MAST3: variants seen among roughly 807,000 people sequenced by gnomAD.
MAST3 encodes the protein microtubule associated serine/threonine kinase 3, also known as microtubule-associated serine/threonine-protein kinase 3.
MAST3 carries 43 observed loss-of-function variants against 127.0 expected under a neutral mutation model. The observed-to-expected ratio is 0.34, with a 90% confidence interval of 0.27 to 0.44. The LOEUF (loss-of-function observed/expected upper bound fraction) is 0.44, where lower values mean the gene tolerates loss of function less well. Among genes scored for constraint, MAST3 ranks in the 20% least tolerant of loss-of-function variants. MAST3 has a pLI of 1.00. For missense variants in MAST3, 1,390 were observed against 1,919.1 expected (o/e 0.72, Z 5.15); for synonymous variants, 785 against 809.2 (o/e 0.97, Z 0.51).
intron 8 of MAST3, 124 bp downstream of exon 8, chr19:18,123,779 C>A: frequency 1.9e-6 from 2 of 1,080,134 alleles, no homozygotes; most frequent in South Asian, 1.6e-5. Context: ...CTTTCCTTCC[C>A]CTTCCGTTGA....
chr19:18,144,644 C>T lies in MAST3; in HGVS notation c.2763C>T (p.Arg921=), dbSNP rs764437925. Reference sequence around the variant, plus strand: ...GCAGTGGTGGCGGCAGTGGGGGCCGCGTGCCCAAGTCAGCCTCTGTCTCTG... The same window carrying T: ...GCAGTGGTGGCGGCAGTGGGGGCCGTGTGCCCAAGTCAGCCTCTGTCTCTG... ...SGGSGGGSGG[R]VPKSASVSAL... Residue 921 remains arginine (R), a synonymous_variant, in exon 23 of 28, where the codon CGC becomes CGT. Transcript: ENST00000687212. The surrounding 1 kb of genome is among the most constrained non-coding windows in gnomAD (Gnocchi z 4.0). 8 of 1,610,890 alleles carry T rather than the reference C, an allele frequency of 5.0e-6. No individual in the cohort carries two copies. The South Asian group carries it at 5.5e-5, about 11-fold the overall frequency.
chr19:18,128,760 G>A lies in MAST3; in HGVS notation c.1138-106G>A, dbSNP rs879144042. ...CTGAGTTGGAGAAGTTTGGACAGGG[G>A]AGGAGGTAGCATCGGGCACCAGGAC... is the stretch of plus-strand genomic sequence containing the variant. On this transcript the variant is annotated intron_variant, in intron 12 of 27. Transcript: ENST00000687212. 115 of 873,484 alleles carry A rather than the reference G, an allele frequency of 1.3e-4. 1 individual carries two copies. In the South Asian group the frequency reaches 1.4e-3, roughly 11 times the overall value. 54.1% of individuals were successfully genotyped at this position (873,484 alleles called of 1,614,324 possible).
At chr19:18,124,931 A>ACCC (rs111723470) in intron 11 of MAST3, among the ~76,000 whole-genome samples, 157 bp downstream of exon 11, 60,422 of 133,830 alleles carry the variant, frequency 0.45, 12,778 homozygotes, top group South Asian at 0.63. Context: ...CATGGTGGAA[A>ACCC]CCCCCCCCCT....
intron 3 of MAST3, among the ~76,000 whole-genome samples, chr19:18,119,171 G>A (rs1312761892): frequency 6.6e-6 from 1 of 152,170 alleles, no homozygotes; most frequent in Non-Finnish European, 1.5e-5. Flanking sequence ...GTGAACAGAT[G>A]ATGCTTAGTT....
At chr19:18,140,240 C>CGT (rs71164372) in intron 20 of MAST3, among the ~76,000 whole-genome samples, 152,043 of 152,052 alleles carry the variant, frequency 1, 76,017 homozygotes, top group Middle Eastern at 1. Flanking sequence ...ATTAGCCAGG[C>CGT]GGTGGTGGGT....
Position 18,149,368 on chromosome 19 carries a change from G to A in MAST3, c.3686G>A (p.Cys1229Tyr). 6.7e-7 allele frequency: 1 copy of A among 1,492,646 alleles called. No homozygotes were observed. The highest frequency in any genetic ancestry group is 8.9e-7 in the Non-Finnish European group (1 of 1,124,562). The allele number at this position is 1,492,646 out of a possible 1,614,324, so 92.5% of individuals were successfully genotyped here. ...AGCATCCCGCCCTCCCCGCTGGCCT[G>A]CCCGCCCATCTCCGCGCCCCCACCC... ...TSSIPPSPLACPPISAPPPRS... is the reference protein window; with the variant it reads ...TSSIPPSPLAYPPISAPPPRS... The change falls in exon 28 of 28, where the codon TGC (cysteine) becomes TAC (tyrosine). Residue 1229 changes from cysteine (C) to tyrosine (Y), a missense_variant. Around this residue, in one of 5 missense-constraint regions of MAST3, gnomAD observed 816 missense variants for 934.1 expected, o/e 0.87. Transcript: ENST00000687212. This position sits in a 1 kb window ranked among gnomAD's most constrained non-coding sequence, Gnocchi z 5.9.
intron 27 of MAST3, among the ~76,000 whole-genome samples, chr19:18,147,977 A>C (rs1440672314): frequency 6.6e-6 from 1 of 152,040 alleles, no homozygotes. Flanking sequence ...CAACACAGGG[A>C]GACCCCATCT....
At chr19:18,098,756 C>A in intron 1 of MAST3, 1 of 456,694 alleles carries the variant, frequency 2.2e-6, no homozygotes, top group South Asian at 1.5e-5. Context: ...AGCACTTACC[C>A]AACGAACATT....
intron 3 of MAST3, among the ~76,000 whole-genome samples, chr19:18,119,378 C>A (rs2039679776): frequency 6.6e-6 from 1 of 152,146 alleles, no homozygotes; most frequent in Non-Finnish European, 1.5e-5. Flanking sequence ...TGGAGACAGC[C>A]AGGTGAGCGT....
At position 18,135,772 on chromosome 19, in the gene MAST3, C is replaced by T; in HGVS notation, c.1903C>T (p.Leu635Phe). The T allele has an allele frequency of 6.2e-7, 1 of 1,612,382 alleles. No homozygotes were observed. The highest frequency in any genetic ancestry group is 8.5e-7 in the Non-Finnish European group (1 of 1,179,224). ...CATGTGGCCAGAGGGAGATGAGGCC[C>T]TTCCAGCAGACGCCCAGGACCTCAT... is the stretch of plus-strand genomic sequence containing the variant. ...EIMWPEGDEALPADAQDLITR... is the reference protein window; with the variant it reads ...EIMWPEGDEAFPADAQDLITR... The change falls in exon 18 of 28, where the codon CTT (leucine) becomes TTT (phenylalanine). Residue 635 changes from leucine to phenylalanine, a missense_variant. Physicochemically the swap from Leu to Phe is conservative, Grantham distance 22. Transcript: ENST00000687212.
Position 18,112,309 on chromosome 19 carries a change from G to A in MAST3, c.161+1568G>A, listed in dbSNP as rs2038738494. Among the ~76,000 whole-genome samples, 1 of 152,188 alleles carries A rather than the reference G, an allele frequency of 6.6e-6. No homozygotes were observed. Among genetic ancestry groups the A allele is most frequent in the South Asian group, 2.1e-4 (1 of 4,828 alleles). Reference sequence around the variant, plus strand: ...TCCGAGTAGCGGAGACTACAGGCGTGCCACCACGCCCGGCTAATTTTTTGT... The same window carrying A: ...TCCGAGTAGCGGAGACTACAGGCGTACCACCACGCCCGGCTAATTTTTTGT... On this transcript the variant is annotated intron_variant, in intron 3 of 27. Coordinates refer to ENST00000687212, the MANE Select transcript of MAST3 (RefSeq NM_001393504.1). The surrounding 1 kb of genome is among the most constrained non-coding windows in gnomAD (Gnocchi z 4.1).
intron 2 of MAST3, among the ~76,000 whole-genome samples, chr19:18,109,183 C>T (rs2038305963): frequency 6.6e-6 from 1 of 151,850 alleles, no homozygotes; most frequent in South Asian, 2.1e-4. Context: ...AGCATGAAGA[C>T]AAGGGTAGCT....
intron 27 of MAST3, among the ~76,000 whole-genome samples, chr19:18,148,483 AAAAG>A (rs1263395456): frequency 2.0e-5 from 3 of 152,174 alleles, no homozygotes; most frequent in East Asian, 1.9e-4. Flanking sequence ...GGGAAAAAAA[AAAAG>A]AAAACAGAAG....
chr19:18,144,740 C>T lies in MAST3; in HGVS notation c.2812+47C>T, dbSNP rs1451111686. 3 of 1,587,316 alleles carry T rather than the reference C, an allele frequency of 1.9e-6. No individual in the cohort carries two copies. In the African/African-American group the frequency reaches 4.0e-5, roughly 21 times the overall value. ...ACCTTTGTCTGTCTGCACCCATTTT[C>T]ACCAACAGGGTGGGGGCCCTTCCTG... On this transcript the variant is annotated intron_variant, in intron 23 of 27. Transcript: ENST00000687212. The surrounding 1 kb of genome is among the most constrained non-coding windows in gnomAD (Gnocchi z 4.0).
intron 1 of MAST3, among the ~76,000 whole-genome samples, chr19:18,102,089 C>A (rs1238645313): frequency 1.3e-5 from 2 of 151,664 alleles, no homozygotes; most frequent in Admixed American, 6.6e-5. Flanking sequence ...ACCGTGTTAG[C>A]CAGGATGGTC....
intron 3 of MAST3, among the ~76,000 whole-genome samples, chr19:18,111,291 G>C (rs370813115): frequency 2.1e-5 from 3 of 145,402 alleles, no homozygotes; most frequent in African/African-American, 7.8e-5. Flanking sequence ...TCCATCCCCC[G>C]GGGGCCAAGC....
Position 18,147,045 on chromosome 19 carries a change from G to C in MAST3, c.3326+1G>C. The C allele has an allele frequency of 6.5e-7, 1 of 1,550,172 alleles. No homozygotes were observed. Among genetic ancestry groups the C allele is most frequent in the Non-Finnish European group, 8.7e-7 (1 of 1,147,442 alleles). On this transcript the variant is annotated splice_donor_variant, in intron 26 of 27. Transcript: ENST00000687212. LOFTEE classifies it high-confidence loss of function. ...GCGCGGCAGTGACCACCAGGGAGCGGTACACAGGGGGCGGGGCCACGGGGA... is the reference window on the plus strand; with the variant it reads ...GCGCGGCAGTGACCACCAGGGAGCGCTACACAGGGGGCGGGGCCACGGGGA...
chr19:18,142,543 G>A lies in MAST3; in HGVS notation c.2339+528G>A, dbSNP rs112414416. Among the ~76,000 whole-genome samples, 7 of 151,570 alleles carry A rather than the reference G, an allele frequency of 4.6e-5. 1 individual carries two copies. Among genetic ancestry groups the A allele is most frequent in the African/African-American group, 1.7e-4 (7 of 41,290 alleles). On this transcript the variant is annotated intron_variant, in intron 21 of 27. Transcript: ENST00000687212. The stretch of plus-strand genomic sequence containing the variant: ...ATTTTTATATTTTTAGTAGAGACGG[G>A]GTTTTGCCATGTTAGCCAGGATGGT...
rs532057382 is a variant in MAST3 at position 18,123,480 on chromosome 19, C to A, written c.558-100C>A. 14 of 1,472,268 alleles carry A rather than the reference C, an allele frequency of 9.5e-6. No homozygotes were observed. In the African/African-American group the frequency reaches 9.8e-5, roughly 10 times the overall value. 91.2% of individuals were successfully genotyped at this position (1,472,268 alleles called of 1,614,324 possible). On this transcript the variant is annotated intron_variant, in intron 7 of 27. Transcript: ENST00000687212. ...CAGCCCTGACCCTGCCTGAGCCTAG[C>A]CTCTGATTCTTGTCCCTCAACCCTG...
Sources: allele counts gnomAD v4.1 joint callset (sites outside exome capture counted in the v4.1 genomes callset), GRCh38; gene constraint gnomAD v4.1.1; regional missense constraint gnomAD v4.1.1; non-coding constraint Gnocchi (gnomAD v3.1); transcripts MANE v1.5; gene names NCBI Gene and HGNC (gene_info 2026-07-23, HGNC 2026-07-21).